PPFIA2: variants seen among roughly 807,000 people sequenced by gnomAD.
PPFIA2 encodes PPFI scaffold protein A2.
In PPFIA2, 46 loss-of-function variants were observed where a neutral mutation model predicts 175.5. That is an observed-to-expected ratio of 0.26 (90% confidence interval 0.21 to 0.34). The LOEUF is 0.34. Ranked by LOEUF, PPFIA2 falls within the 10% of genes least tolerant of loss-of-function variation. The probability of loss-of-function intolerance (pLI) is 1.00; values close to 1 mark genes in which losing one functional copy is unlikely to be tolerated. For synonymous variants in PPFIA2, 568 were observed against 511.4 expected (o/e 1.11, Z -1.49); for missense variants, 1,179 against 1,506.1 (o/e 0.78, Z 3.60).
At chr12:81,336,470 C>T (rs1046283940) in intron 21 of PPFIA2, among the ~76,000 whole-genome samples, 11 of 152,142 alleles carry the variant, frequency 7.2e-5, no homozygotes, top group Admixed American at 2.0e-4. Flanking sequence ...TGTTATTACC[C>T]TAGCATTTCG....
rs148427793 is a variant in PPFIA2 at position 81,552,536 on chromosome 12, A to G, written c.304-94670T>C. Among the ~76,000 whole-genome samples the G allele has an allele frequency of 5.2e-3, 796 of 152,140 alleles. 9 individuals are homozygous for G. The highest frequency in any genetic ancestry group is 0.018 in the African/African-American group (767 of 41,564). The stretch of plus-strand genomic sequence containing the variant: ...ATGTCAAGAAACAGTACCTTCTAGT[A>G]TCTAAGTTATCAATCATGATGACTA... On this transcript the variant is annotated intron_variant, in intron 4 of 32. Coordinates refer to ENST00000549396, the MANE Select transcript of PPFIA2 (RefSeq NM_003625.5).
intron 4 of PPFIA2, among the ~76,000 whole-genome samples, chr12:81,612,516 C>T (rs368871010): frequency 6.6e-5 from 10 of 152,214 alleles, no homozygotes; most frequent in African/African-American, 1.7e-4. Flanking sequence ...AAAAAAACTT[C>T]GAATACCTCA....
intron 4 of PPFIA2, among the ~76,000 whole-genome samples, chr12:81,518,268 T>C (rs150504774): frequency 1.1e-3 from 160 of 152,272 alleles, no homozygotes; most frequent in Non-Finnish European, 1.8e-3. Context: ...TCCTGAATCA[T>C]ATCTCAGCCA....
chr12:81,456,363 A>C (rs929190393), intron 5 of PPFIA2, among the ~76,000 whole-genome samples: 5 of 152,150 alleles, frequency 3.3e-5, no homozygotes, highest in African/African-American at 1.2e-4. Flanking sequence ...GTATCATTGA[A>C]AACCAATTCA....
At chr12:81,493,754 C>CTACATA (rs36119333) in intron 4 of PPFIA2, among the ~76,000 whole-genome samples, 4 of 102,120 alleles carry the variant, frequency 3.9e-5, no homozygotes, top group African/African-American at 1.7e-4. Flanking sequence ...GTGTGTGTGT[C>CTACATA]TATATATATA....
chr12:81,439,819 A>G (rs1593009244), intron 7 of PPFIA2, 153 bp downstream of exon 7: 1 of 669,246 alleles, frequency 1.5e-6, no homozygotes, highest in East Asian at 3.1e-5. Flanking sequence ...AGAAAACAAG[A>G]CTCCGGCAAC....
At chr12:81,280,916 A>C (rs1420529844) in intron 27 of PPFIA2, among the ~76,000 whole-genome samples, 2 of 152,036 alleles carry the variant, frequency 1.3e-5, no homozygotes, top group Non-Finnish European at 2.9e-5. Flanking sequence ...GAATTTGTTT[A>C]TTCTTCCTAA....
At chr12:81,374,805 C>A in intron 10 of PPFIA2, 37 bp from the exon 11 acceptor site, 1 of 1,583,922 alleles carries the variant, frequency 6.3e-7, no homozygotes, top group South Asian at 1.1e-5. Context: ...CTTAAAGAGT[C>A]AGAGTTTGGA....
intron 5 of PPFIA2, among the ~76,000 whole-genome samples, chr12:81,449,365 A>T (rs945642614): frequency 6.6e-6 from 1 of 152,142 alleles, no homozygotes; most frequent in African/African-American, 2.4e-5. Flanking sequence ...GTTTTTCCTC[A>T]CTATAATAAA....
intron 24 of PPFIA2, 40 bp downstream of exon 24, chr12:81,294,795 G>C (rs1290991665): frequency 1.9e-6 from 3 of 1,585,688 alleles, no homozygotes; most frequent in Non-Finnish European, 1.7e-6. Context: ...ACGGCTATTT[G>C]CCTAGCACTG....
chr12:81,297,631 ACATCTAAATATGTCTT>A (rs2046814151), intron 23 of PPFIA2, among the ~76,000 whole-genome samples: 1 of 152,230 alleles, frequency 6.6e-6, no homozygotes, highest in South Asian at 2.1e-4. Flanking sequence ...AAATAACTAA[ACATCTAAATATGTCTT>A]CTTTGGACCC....
At chr12:81,443,845 CTTTTTTTTTTTTTTTTT>C (rs1183160145) in intron 6 of PPFIA2, among the ~76,000 whole-genome samples, 1 of 71,164 alleles carries the variant, frequency 1.4e-5, no homozygotes, top group Non-Finnish European at 2.7e-5. Context: ...GCCAACCTTT[CTTTTTTTTTTTTTTTTT>C]TTTTTTTTTT....
intron 4 of PPFIA2, among the ~76,000 whole-genome samples, chr12:81,524,690 C>G (rs1364445076): frequency 6.6e-6 from 1 of 152,116 alleles, no homozygotes; most frequent in Non-Finnish European, 1.5e-5. Flanking sequence ...GATATTAGAA[C>G]AAGTTAATAC....
chr12:81,507,667 C>T (rs1161772261), intron 4 of PPFIA2, among the ~76,000 whole-genome samples: 1 of 152,178 alleles, frequency 6.6e-6, no homozygotes, highest in Non-Finnish European at 1.5e-5. Context: ...TTTATCTTTC[C>T]TCTCAATTAC....
intron 4 of PPFIA2, among the ~76,000 whole-genome samples, chr12:81,550,352 G>C (rs1278400347): frequency 6.6e-6 from 1 of 151,982 alleles, no homozygotes; most frequent in African/African-American, 2.4e-5. Flanking sequence ...GGGAAATTAA[G>C]GCATTCCAGA....
intron 4 of PPFIA2, among the ~76,000 whole-genome samples, chr12:81,664,253 A>G: frequency 6.6e-6 from 1 of 152,126 alleles, no homozygotes; most frequent in East Asian, 1.9e-4. Flanking sequence ...TGAACAGGCA[A>G]CCTACAGAAT....
chr12:81,640,341 A>G (rs765172047), intron 4 of PPFIA2, among the ~76,000 whole-genome samples: 33 of 152,182 alleles, frequency 2.2e-4, no homozygotes, highest in Non-Finnish European at 1.2e-4. Flanking sequence ...TGGTGATGAT[A>G]GGAGTGACTA....
intron 20 of PPFIA2, among the ~76,000 whole-genome samples, chr12:81,340,858 A>G (rs143317377): frequency 2.0e-3 from 306 of 152,238 alleles, no homozygotes; most frequent in African/African-American, 7.0e-3. Context: ...ATCTATATTG[A>G]CCAATAATAA....
intron 4 of PPFIA2, among the ~76,000 whole-genome samples, chr12:81,479,357 C>G (rs953835425): frequency 6.6e-6 from 1 of 152,058 alleles, no homozygotes. Context: ...TACAGCACAC[C>G]GATAGGTCTT....
Sources: gnomAD v4.1 joint callset for allele counts (sites outside exome capture counted in the v4.1 genomes callset) on GRCh38, gnomAD v4.1.1 for gene constraint, MANE v1.5 for transcripts, NCBI Gene and HGNC (gene_info 2026-07-23, HGNC 2026-07-21) for gene names.